MYOZ3: variants seen among roughly 807,000 people sequenced by gnomAD.
MYOZ3 encodes the protein myozenin-3.
Under a neutral mutation model 26.5 loss-of-function variants are expected in MYOZ3, and 19 were observed. That is an observed-to-expected ratio of 0.72 (90% CI 0.50 to 1.05). The LOEUF is 1.05. Among genes scored for constraint, MYOZ3 ranks in the 50% least tolerant of loss-of-function variants. The pLI is 0.00. For missense variants in MYOZ3, 322 were observed against 337.1 expected (o/e 0.96, Z 0.35); for synonymous variants, 135 against 138.8 (o/e 0.97, Z 0.19).
At position 150,670,267 on chromosome 5, in the gene MYOZ3, T is replaced by G. The variant is rs545242319; in HGVS notation, c.62-217T>G. On this transcript the variant is annotated intron_variant, in intron 2 of 6. Coordinates refer to ENST00000517768, the MANE Select transcript of MYOZ3 (RefSeq NM_001122853.3). ...GGCCAAAGAACTTCGGAAACAGTGC[T>G]AAACTTCACTGAGCAACAAACACAT... 1.9e-5 allele frequency: 9 copies of G among 463,182 alleles called. No homozygotes were observed. In the South Asian group the frequency reaches 2.7e-4, roughly 14 times the overall value. 28.7% of individuals were successfully genotyped at this position (463,182 alleles called of 1,614,324 possible).
intron 6 of MYOZ3, 101 bp from the exon 7 acceptor site, chr5:150,676,604 TCA>T (rs1478755687): frequency 2.2e-6 from 2 of 891,064 alleles, no homozygotes; most frequent in African/African-American, 1.8e-5. Context: ...AAACTGAGGC[TCA>T]GAGAGCGGCA....
chr5:150,671,864 C>G lies in MYOZ3; in HGVS notation c.380C>G (p.Ala127Gly). 6.3e-7 allele frequency: 1 copy of G among 1,596,422 alleles called. No individual in the cohort carries two copies. The highest frequency in any genetic ancestry group is 8.5e-7 in the Non-Finnish European group (1 of 1,174,156). ...LGGPEGAHPA[A>G]APAGCVPSPS... Reference sequence around the variant, plus strand: ...GGTCCCGAGGGCGCCCACCCTGCAGCCGCCCCTGCTGGGTGCGTCCCCAGC... The same window carrying G: ...GGTCCCGAGGGCGCCCACCCTGCAGGCGCCCCTGCTGGGTGCGTCCCCAGC... Residue 127 changes from alanine to glycine, a missense_variant, in exon 5 of 7, where the codon GCC becomes GGC. By Grantham distance (60) the Ala-to-Gly change is moderately conservative. Transcript: ENST00000517768.
intron 2 of MYOZ3, among the ~76,000 whole-genome samples, chr5:150,668,516 G>C (rs147792087): frequency 1.3e-5 from 2 of 152,144 alleles, no homozygotes; most frequent in African/African-American, 2.4e-5. Context: ...GGAGGCCCCA[G>C]GCTCCGTCTC....
At chr5:150,676,668 T>C (rs1441769840) in intron 6 of MYOZ3, 39 bp from the exon 7 acceptor site, 1 of 1,599,656 alleles carries the variant, frequency 6.3e-7, no homozygotes, top group Non-Finnish European at 8.5e-7. Context: ...CTGTCCCTGT[T>C]CCACACAGCC....
Position 150,670,632 on chromosome 5 carries a change from G to C in MYOZ3, c.210G>C (p.Gln70His). 1.2e-6 allele frequency: 2 copies of C among 1,608,346 alleles called. No individual in the cohort carries two copies. The highest frequency in any genetic ancestry group is 1.1e-5 in the South Asian group (1 of 90,784). Residue 70 changes from glutamine to histidine, a missense_variant, in exon 3 of 7, where the codon CAG becomes CAC. Transcript: ENST00000517768. ...TCACTTTCGAGTTAGCAGCCAGCCAGCGGGCGGTGAGTAAGCCACCATTGT... is the reference window on the plus strand; with the variant it reads ...TCACTTTCGAGTTAGCAGCCAGCCACCGGGCGGTGAGTAAGCCACCATTGT... ...QKFTFELAAS[Q>H]RAMLAGSARR...
chr5:150,666,013 C>A (rs1402239795), intron 2 of MYOZ3, among the ~76,000 whole-genome samples: 1 of 130,066 alleles, frequency 7.7e-6, no homozygotes, highest in African/African-American at 3.1e-5. Flanking sequence ...CCAGCCTGGG[C>A]AACAAGAGTG....
rs1015882623 is a variant in MYOZ3 at position 150,679,242 on chromosome 5, G to A, written c.*2367G>A. On this transcript the variant is annotated 3_prime_UTR_variant, in exon 7 of 7. Transcript: ENST00000517768. ...GCCACCAGGTATGAAAAGGAGCCTG[G>A]TGGGGAGACCACTGCACCCAAAACA... 6.6e-6 allele frequency: 1 copy of A among 152,088 alleles called. No individual in the cohort carries two copies. The highest frequency in any genetic ancestry group is 2.4e-5 in the African/African-American group (1 of 41,296). 9.4% of individuals were successfully genotyped at this position (152,088 alleles called of 1,614,324 possible). A position where few individuals can be genotyped will look rare whatever the true frequency, so the allele number is the denominator to read the frequency against.
In MYOZ3 at chr5:150,675,008, TCAAAA is replaced by T. The variant is rs570383078; in HGVS notation, c.588-1680_588-1676del. On this transcript the variant is annotated intron_variant, in intron 6 of 6. Transcript: ENST00000517768. Reference sequence around the variant, plus strand: ...CTGAGTGACAGAGCAAGACCCTGTCTCAAAACAAAACAAAACAAAACAACAAAAAA... The same window carrying T: ...CTGAGTGACAGAGCAAGACCCTGTCTCAAAACAAAACAAAACAACAAAAAA... Among the ~76,000 whole-genome samples the T allele has an allele frequency of 2.2e-3, 336 of 152,260 alleles. 2 individuals are homozygous for T. The highest frequency in any genetic ancestry group is 7.8e-3 in the African/African-American group (323 of 41,536).
intron 2 of MYOZ3, among the ~76,000 whole-genome samples, chr5:150,665,022 TTTTTTTTTTCA>T (rs901364758): frequency 6.6e-6 from 1 of 151,934 alleles, no homozygotes; most frequent in Non-Finnish European, 1.5e-5. Context: ...CTTTGGCTTT[TTTTTTTTTTCA>T]TTTAGCAGCA....
intron 2 of MYOZ3, among the ~76,000 whole-genome samples, chr5:150,666,816 A>G (rs1470479401): frequency 6.6e-6 from 1 of 151,364 alleles, no homozygotes; most frequent in Non-Finnish European, 1.5e-5. Flanking sequence ...ACTGGAGCAC[A>G]GTGACATGAT....
intron 1 of MYOZ3, 92 bp from the exon 2 acceptor site, chr5:150,662,849 C>T: frequency 8.5e-7 from 1 of 1,175,338 alleles, no homozygotes; most frequent in South Asian, 1.3e-5. Flanking sequence ...TAAAGCTGTT[C>T]AGGACTGGGG....
chr5:150,672,589 A>T, intron 6 of MYOZ3, 87 bp downstream of exon 6: 1 of 1,446,160 alleles, frequency 6.9e-7, no homozygotes, highest in Non-Finnish European at 9.2e-7. Flanking sequence ...TTTCCTGAGC[A>T]CTTTCTGCAG....
chr5:150,671,516 CTT>C, intron 3 of MYOZ3, 79 bp from the exon 4 acceptor site: 18 of 1,421,622 alleles, frequency 1.3e-5, no homozygotes, highest in Admixed American at 2.0e-5. Flanking sequence ...TCCCCCCGAC[CTT>C]TTTTTTTGGT....
intron 2 of MYOZ3, among the ~76,000 whole-genome samples, chr5:150,665,357 G>A (rs1305277477): frequency 1.3e-5 from 2 of 152,104 alleles, no homozygotes; most frequent in African/African-American, 4.8e-5. Context: ...CTGAGGCAAG[G>A]GCGCTGTGGA....
At chr5:150,661,197 G>C (rs572135657), upstream of MYOZ3, 73 of 152,556 alleles carry the variant, frequency 4.8e-4, no homozygotes, top group African/African-American at 1.7e-3. Context: ...TTTAGCCTCT[G>C]GCTCCAGCTC....
rs1581534674 is a variant in MYOZ3, at chr5:150,670,570, C to G, written c.148C>G (p.Leu50Val). The change falls in exon 3 of 7, where the codon CTC (leucine) becomes GTC (valine). Residue 50 changes from leucine (L) to valine (V), a missense_variant. Coordinates refer to ENST00000517768, the MANE Select transcript of MYOZ3 (RefSeq NM_001122853.3). ...GTCACTACGCAACAACAGAGGGTCCCTCCTCTTCCAGAAGAGGCAGCGCCG... is the reference window on the plus strand; with the variant it reads ...GTCACTACGCAACAACAGAGGGTCCGTCCTCTTCCAGAAGAGGCAGCGCCG... ...ELSLRNNRGS[L>V]LFQKRQRRVQ... The G allele has an allele frequency of 6.2e-7, 1 of 1,613,258 alleles. No homozygotes were observed. The highest frequency in any genetic ancestry group is 2.2e-5 in the East Asian group (1 of 44,852).
intron 2 of MYOZ3, among the ~76,000 whole-genome samples, chr5:150,667,050 C>T (rs556187895): frequency 2.0e-5 from 3 of 152,230 alleles, no homozygotes; most frequent in South Asian, 2.1e-4. Flanking sequence ...TGAGCCACTG[C>T]GCCCGGCCTA....
chr5:150,675,561 C>T (rs944065979), intron 6 of MYOZ3, among the ~76,000 whole-genome samples: 4 of 152,096 alleles, frequency 2.6e-5, no homozygotes, highest in Non-Finnish European at 5.9e-5. Context: ...TTACTAGCGA[C>T]GGGGTTTCAC....
chr5:150,663,337 C>T (rs2151442631), intron 2 of MYOZ3, among the ~76,000 whole-genome samples: 1 of 152,324 alleles, frequency 6.6e-6, no homozygotes, highest in South Asian at 2.1e-4. Context: ...TCCAGCCCTA[C>T]CTGTGGCTGC....
Sources: gnomAD v4.1 joint callset for allele counts (sites outside exome capture counted in the v4.1 genomes callset) on GRCh38, gnomAD v4.1.1 for gene constraint, MANE v1.5 for transcripts, NCBI Gene and HGNC (gene_info 2026-07-23, HGNC 2026-07-21) for gene names.